The following PRELID2 variants were observed in gnomAD, a reference collection of about 807,000 sequenced individuals.
PRELID2 encodes PRELI domain containing 2.
PRELID2 carries 25 observed loss-of-function variants against 28.4 expected under a neutral mutation model. That is an observed-to-expected ratio of 0.88 (90% CI 0.64 to 1.23). The LOEUF (loss-of-function observed/expected upper bound fraction) is 1.23, where lower values mean the gene tolerates loss of function less well. Ranked by LOEUF, PRELID2 falls within the 50% of genes most tolerant of loss-of-function variation. The pLI, the probability that PRELID2 is intolerant of heterozygous loss-of-function variation, is 0.00. For missense variants in PRELID2, 201 were observed against 214.4 expected, an observed-to-expected ratio of 0.94 and a Z score of 0.39; for synonymous variants, 76 against 71.6, an observed-to-expected ratio of 1.06 and a Z score of -0.31.
intron 1 of PRELID2, among the ~76,000 whole-genome samples, chr5:145,833,280 T>G (rs960905877): frequency 6.6e-6 from 1 of 152,210 alleles, no homozygotes; most frequent in African/African-American, 2.4e-5. Context: ...CATCTGACAC[T>G]GCAGACGGTC....
intron 1 of PRELID2, among the ~76,000 whole-genome samples, chr5:145,632,922 C>A (rs1016918822): frequency 5.3e-5 from 8 of 152,204 alleles, no homozygotes; most frequent in African/African-American, 1.9e-4. Flanking sequence ...AGACAGAAAT[C>A]TGCTCCCAGT....
chr5:145,391,733 T>C, the PRELID2 span, among the ~76,000 whole-genome samples: 1 of 151,884 alleles, frequency 6.6e-6, no homozygotes, highest in Non-Finnish European at 1.5e-5. Flanking sequence ...TTTTCAAACC[T>C]TTATGCTCTG....
intron 1 of PRELID2, among the ~76,000 whole-genome samples, chr5:145,594,696 A>C (rs1300975999): frequency 6.6e-6 from 1 of 152,198 alleles, no homozygotes; most frequent in Non-Finnish European, 1.5e-5. Flanking sequence ...CTTATAAAAA[A>C]CATATAAGTC....
At chr5:145,774,159 A>G (rs1262725490) in intron 5 of PRELID2, among the ~76,000 whole-genome samples, 1 of 152,214 alleles carries the variant, frequency 6.6e-6, no homozygotes, top group African/African-American at 2.4e-5. Context: ...CTTTACTTAC[A>G]TTATCTCATT....
chr5:145,783,584 G>A (rs1372384883), intron 5 of PRELID2, among the ~76,000 whole-genome samples: 1 of 152,116 alleles, frequency 6.6e-6, no homozygotes, highest in Non-Finnish European at 1.5e-5. Context: ...CAATCTATCT[G>A]AGCACTCAAG....
intron 1 of PRELID2, among the ~76,000 whole-genome samples, chr5:145,503,452 G>T (rs1408912830): frequency 1.3e-5 from 2 of 152,142 alleles, no homozygotes; most frequent in African/African-American, 4.8e-5. Flanking sequence ...CAATAGTCAT[G>T]ATAATACGAG....
intron 1 of PRELID2, among the ~76,000 whole-genome samples, chr5:145,557,284 A>G (rs887208120): frequency 4.6e-5 from 7 of 152,250 alleles, no homozygotes; most frequent in Admixed American, 1.3e-4. Flanking sequence ...AAGATGGAAA[A>G]GTCAGGCATG....
At chr5:145,428,895 T>C in the PRELID2 span, among the ~76,000 whole-genome samples, 1 of 147,684 alleles carries the variant, frequency 6.8e-6, no homozygotes, top group African/African-American at 2.5e-5. Context: ...CATGCTACTG[T>C]GTTCTAGGGG....
At chr5:145,297,648 G>A in the PRELID2 span, among the ~76,000 whole-genome samples, 4 of 151,688 alleles carry the variant, frequency 2.6e-5, no homozygotes, top group Non-Finnish European at 5.9e-5. Flanking sequence ...GAAATAAAGG[G>A]TATTCAATTA....
chr5:145,607,787 T>C (rs62394193), intron 1 of PRELID2, among the ~76,000 whole-genome samples: 29,361 of 152,108 alleles, frequency 0.19, 5,016 homozygotes, highest in African/African-American at 0.45. Context: ...GTTCAGGTCC[T>C]GAATGTGTTT....
chr5:145,425,779 C>T, the PRELID2 span, among the ~76,000 whole-genome samples: 11 of 151,832 alleles, frequency 7.2e-5, no homozygotes, highest in African/African-American at 1.5e-4. Flanking sequence ...GCGGGAATGA[C>T]GATGGCACAC....
intron 4 of PRELID2, among the ~76,000 whole-genome samples, chr5:145,817,202 A>ATATATAGATATATATATAT (rs1561643627): frequency 1.9e-5 from 1 of 51,388 alleles, no homozygotes; most frequent in Non-Finnish European, 4.8e-5. Flanking sequence ...AAAAAAAATA[A>ATATATAGATATATATATAT]ATAAATAAAT....
intron 1 of PRELID2, among the ~76,000 whole-genome samples, chr5:145,670,054 G>A (rs944021276): frequency 6.6e-6 from 1 of 152,126 alleles, no homozygotes; most frequent in Non-Finnish European, 1.5e-5. Flanking sequence ...TAAGCCCACT[G>A]TCTTAGTCCA....
intron 4 of PRELID2, among the ~76,000 whole-genome samples, chr5:145,797,522 A>G (rs1348529825): frequency 6.6e-6 from 1 of 152,162 alleles, no homozygotes; most frequent in Non-Finnish European, 1.5e-5. Context: ...ATGGCAATAT[A>G]CTTTCAAAAG....
At chr5:145,492,014 A>G (rs897246351) in intron 1 of PRELID2, among the ~76,000 whole-genome samples, 20 of 152,164 alleles carry the variant, frequency 1.3e-4, no homozygotes, top group African/African-American at 4.8e-4. Context: ...GGGAGTGCAG[A>G]TATCATTTGA....
At chr5:145,325,418 G>A in the PRELID2 span, among the ~76,000 whole-genome samples, 253 of 152,262 alleles carry the variant, frequency 1.7e-3, no homozygotes, top group African/African-American at 5.9e-3. Context: ...CAGATAATTA[G>A]GGAGGTAGAG....
the PRELID2 span, among the ~76,000 whole-genome samples, chr5:145,347,398 T>C: frequency 1.3e-5 from 2 of 152,186 alleles, no homozygotes; most frequent in African/African-American, 4.8e-5. Flanking sequence ...TTAGTAGTCA[T>C]GTCGAGTGGA....
At chr5:145,339,096 A>G in the PRELID2 span, among the ~76,000 whole-genome samples, 2 of 152,244 alleles carry the variant, frequency 1.3e-5, no homozygotes, top group African/African-American at 4.8e-5. Flanking sequence ...GGCATTTTAA[A>G]GTGAACTACA....
At chr5:145,343,548 G>A in the PRELID2 span, among the ~76,000 whole-genome samples, 1 of 151,128 alleles carries the variant, frequency 6.6e-6, no homozygotes, top group African/African-American at 2.4e-5. Flanking sequence ...AGCAAAAAAT[G>A]CCTACATCAA....
Sources: allele counts gnomAD v4.1 joint callset (sites outside exome capture counted in the v4.1 genomes callset), GRCh38; gene constraint gnomAD v4.1.1; transcripts MANE v1.5; gene names NCBI Gene and HGNC (gene_info 2026-07-23, HGNC 2026-07-21).